CNKSR2: variants seen among roughly 807,000 people sequenced by gnomAD.
CNKSR2 encodes connector enhancer of kinase suppressor of Ras 2.
In CNKSR2, 14 loss-of-function variants were observed where a neutral mutation model predicts 84.4. The ratio of observed to expected loss-of-function variants is 0.17; its 90% CI spans 0.11 to 0.26. The LOEUF (loss-of-function observed/expected upper bound fraction) is 0.26. Among genes scored for constraint, CNKSR2 ranks in the 10% least tolerant of loss-of-function variants. The probability of loss-of-function intolerance (pLI) is 1.00; values close to 1 mark genes in which losing one functional copy is unlikely to be tolerated. For missense variants in CNKSR2, 485 were observed against 771.2 expected (o/e 0.63, Z 4.40); for synonymous variants, 275 against 277.9 (o/e 0.99, Z 0.10).
chrX:21,385,469 GC>G (rs1376527641), intron 1 of CNKSR2, among the ~76,000 whole-genome samples: 2 of 111,681 alleles, frequency 1.8e-5, no homozygotes, highest in Non-Finnish European at 3.8e-5. Context: ...TTTATTAAGT[GC>G]TTACTACATA....
chrX:21,459,763 T>C (rs1167350309), intron 4 of CNKSR2, among the ~76,000 whole-genome samples: 1 of 111,071 alleles, frequency 9.0e-6, no homozygotes, highest in East Asian at 2.8e-4. Flanking sequence ...ATGCTTATAG[T>C]TCCTTTCCTA....
At chrX:21,493,851 T>G (rs1289836364) in intron 6 of CNKSR2, 1 of 111,955 alleles carries the variant, frequency 8.9e-6, no homozygotes, top group East Asian at 2.8e-4. Flanking sequence ...TCAGTTTTGA[T>G]TATTAAAAGC....
At position 21,528,314 on chromosome X, in the gene CNKSR2, G is replaced by T. The variant is rs1468628512; in HGVS notation, c.1091+1314G>T. Among the ~76,000 whole-genome samples the T allele has an allele frequency of 2.7e-5, 3 of 110,886 alleles. No homozygotes were observed. In the East Asian group the frequency reaches 8.6e-4, roughly 32 times the overall value. On this transcript the variant is annotated intron_variant, in intron 10 of 21. Coordinates refer to ENST00000379510, the MANE Select transcript of CNKSR2 (RefSeq NM_014927.5). ...AACAGGAAGTGACTTTTTATGATTT[G>T]TTTACATTTTATTTGGAAAGATTTT...
intron 13 of CNKSR2, among the ~76,000 whole-genome samples, chrX:21,588,702 A>C (rs2092403059): frequency 8.9e-6 from 1 of 111,980 alleles, no homozygotes; most frequent in Non-Finnish European, 1.9e-5. Context: ...TTTCATGTAG[A>C]TTTTTAGAGT....
At chrX:21,575,842 T>C (rs2092315999) in intron 13 of CNKSR2, among the ~76,000 whole-genome samples, 1 of 112,340 alleles carries the variant, frequency 8.9e-6, no homozygotes, top group African/African-American at 3.2e-5. Context: ...GTCATGCTTC[T>C]CTTCCTTCAC....
intron 1 of CNKSR2, among the ~76,000 whole-genome samples, chrX:21,410,898 T>C (rs960548922): frequency 9.7e-6 from 1 of 102,664 alleles, no homozygotes; most frequent in Non-Finnish European, 2.0e-5. Flanking sequence ...GTGTGTGTGT[T>C]TGTGTGTGTG....
chrX:21,502,597 A>G (rs1343931725), intron 8 of CNKSR2, among the ~76,000 whole-genome samples: 9 of 110,928 alleles, frequency 8.1e-5, no homozygotes, highest in Non-Finnish European at 1.7e-4. Flanking sequence ...GATTCTAATC[A>G]TAAGGCAAAT....
intron 2 of CNKSR2, among the ~76,000 whole-genome samples, chrX:21,430,505 G>A (rs1030064030): frequency 1.8e-5 from 2 of 111,228 alleles, no homozygotes; most frequent in African/African-American, 6.5e-5. Context: ...TAGGTTTCTC[G>A]CTAATAAATT....
chrX:21,567,795 GGT>G (rs58020537), intron 13 of CNKSR2, among the ~76,000 whole-genome samples: 12,370 of 89,909 alleles, frequency 0.14, 754 homozygotes, highest in African/African-American at 0.19. Flanking sequence ...GTTTTTGTGT[GGT>G]GTGTGTGTGT....
In CNKSR2 at chrX:21,648,982, G is replaced by A; in HGVS notation, c.2844G>A (p.Met948Ile). The A allele has an allele frequency of 8.3e-7, 1 of 1,201,778 alleles. No homozygotes were observed. The highest frequency in any genetic ancestry group is 1.8e-5 in the South Asian group (1 of 55,498). Residue 948 changes from methionine (M) to isoleucine (I), a missense_variant, in exon 21 of 22, where the codon ATG (methionine) becomes ATA (isoleucine). Met to Ile is a conservative substitution (Grantham distance 10). Around this residue, in one of 5 missense-constraint regions of CNKSR2, gnomAD observed 210 missense variants for 291.5 expected, o/e 0.72. Transcript: ENST00000379510. The stretch of plus-strand genomic sequence containing the variant: ...TAAAAAGATGTAATGATCCTGTAAT[G>A]AATGAAAAACTACACCGGCTGAGAA... ...SFIKRCNDPV[M>I]NEKLHRLRIL...
chrX:21,376,680 G>A (rs996762709), intron 1 of CNKSR2, among the ~76,000 whole-genome samples: 1 of 112,200 alleles, frequency 8.9e-6, no homozygotes, highest in Non-Finnish European at 1.9e-5. Context: ...TTAAAACCCC[G>A]TTCTTTGAAT....
At chrX:21,527,597 A>G (rs1378476989) in intron 10 of CNKSR2, among the ~76,000 whole-genome samples, 1 of 110,883 alleles carries the variant, frequency 9.0e-6, no homozygotes, top group Non-Finnish European at 1.9e-5. Flanking sequence ...CTGTATCTCT[A>G]TTTCATTTAT....
intron 20 of CNKSR2, among the ~76,000 whole-genome samples, chrX:21,621,265 T>A (rs941064880): frequency 9.0e-6 from 1 of 111,640 alleles, no homozygotes; most frequent in Non-Finnish European, 1.9e-5. Context: ...ACATTAGTTT[T>A]AACCTGCTCA....
intron 11 of CNKSR2, among the ~76,000 whole-genome samples, chrX:21,539,369 T>C (rs774515672): frequency 2.7e-4 from 30 of 111,890 alleles, no homozygotes; most frequent in Non-Finnish European, 5.3e-4. Context: ...TTATATGATA[T>C]CTATTTTTGT....
At chrX:21,479,724 G>A (rs1355094071) in intron 5 of CNKSR2, among the ~76,000 whole-genome samples, 1 of 110,830 alleles carries the variant, frequency 9.0e-6, no homozygotes, top group African/African-American at 3.3e-5. Flanking sequence ...GCTTCATTGG[G>A]TTGCATAGAT....
intron 20 of CNKSR2, among the ~76,000 whole-genome samples, chrX:21,624,851 C>T (rs2092616301): frequency 8.9e-6 from 1 of 112,338 alleles, no homozygotes; most frequent in Non-Finnish European, 1.9e-5. Flanking sequence ...TTTCTAAAAT[C>T]AGAGATTATC....
intron 1 of CNKSR2, among the ~76,000 whole-genome samples, chrX:21,400,257 A>G (rs1298974358): frequency 9.0e-6 from 1 of 110,836 alleles, no homozygotes; most frequent in African/African-American, 3.3e-5. Context: ...AAATGTATAT[A>G]GAAATAAAGA....
intron 4 of CNKSR2, among the ~76,000 whole-genome samples, chrX:21,451,460 A>G (rs189564073): frequency 9.1e-6 from 1 of 110,253 alleles, no homozygotes; most frequent in Non-Finnish European, 1.9e-5. Context: ...AATGCCTAAC[A>G]ATGATAGACT....
intron 4 of CNKSR2, among the ~76,000 whole-genome samples, chrX:21,445,749 C>T (rs1339224872): frequency 8.9e-6 from 1 of 111,944 alleles, no homozygotes; most frequent in East Asian, 2.8e-4. Context: ...ATCCTTTAGA[C>T]TCATCCATGT....
Sources: allele counts gnomAD v4.1 joint callset (sites outside exome capture counted in the v4.1 genomes callset), GRCh38; gene constraint gnomAD v4.1.1; regional missense constraint gnomAD v4.1.1; transcripts MANE v1.5; gene names NCBI Gene and HGNC (gene_info 2026-07-23, HGNC 2026-07-21).